The following MMRN1 variants were observed in gnomAD, a reference collection of about 807,000 sequenced individuals.
MMRN1 encodes the protein multimerin 1.
In MMRN1, 94 loss-of-function variants were observed where a neutral mutation model predicts 100.7. The observed-to-expected ratio is 0.93, with a 90% CI of 0.79 to 1.11. MMRN1 has a LOEUF of 1.11. Among genes scored for constraint, MMRN1 ranks in the 50% least tolerant of loss-of-function variants. The probability of loss-of-function intolerance (pLI) is 0.00; values close to 1 mark genes in which losing one functional copy is unlikely to be tolerated. For synonymous variants in MMRN1, 575 were observed against 505.0 expected, an observed-to-expected ratio of 1.14 and a Z score of -1.86; for missense variants, 1,606 against 1,439.1, an observed-to-expected ratio of 1.12 and a Z score of -1.88.
chr4:89,886,190 C>A (rs1720934120), intron 1 of MMRN1, among the ~76,000 whole-genome samples: 1 of 151,498 alleles, frequency 6.6e-6, no homozygotes, highest in Admixed American at 6.6e-5. Flanking sequence ...TGTGCCTGGC[C>A]CCTTTCTTCT....
At chr4:89,916,794 G>T (rs978404390) in intron 3 of MMRN1, among the ~76,000 whole-genome samples, 1 of 150,374 alleles carries the variant, frequency 6.7e-6, no homozygotes, top group Non-Finnish European at 1.5e-5. Context: ...ATTATCTCCC[G>T]CATATCACTG....
chr4:89,927,444 G>A (rs1420856204), intron 4 of MMRN1, among the ~76,000 whole-genome samples: 1 of 151,964 alleles, frequency 6.6e-6, no homozygotes. Context: ...AAATGCTACT[G>A]AGTTTCATAT....
intron 6 of MMRN1, among the ~76,000 whole-genome samples, chr4:89,942,905 T>C (rs915656498): frequency 5.9e-5 from 9 of 152,178 alleles, no homozygotes; most frequent in Admixed American, 5.9e-4. Context: ...GAACCTTCCT[T>C]TCAGAATTCT....
At chr4:89,898,367 C>T (rs570301510) in intron 1 of MMRN1, among the ~76,000 whole-genome samples, 1 of 152,088 alleles carries the variant, frequency 6.6e-6, no homozygotes, top group East Asian at 1.9e-4. Context: ...GGTCACTTGG[C>T]TAACAAAGCT....
upstream of MMRN1, among the ~76,000 whole-genome samples, chr4:89,893,273 G>A (rs910933660): frequency 1.3e-5 from 2 of 152,014 alleles, no homozygotes; most frequent in African/African-American, 4.8e-5. Flanking sequence ...TATCAGAGTC[G>A]ATTGGGGTTG....
intron 1 of MMRN1, among the ~76,000 whole-genome samples, chr4:89,908,105 T>G (rs927727807): frequency 5.3e-5 from 8 of 151,442 alleles, no homozygotes; most frequent in African/African-American, 1.9e-4. Context: ...CAAACTCAGA[T>G]CTCTATTTTC....
chr4:89,923,589 T>C (rs1181443720), intron 4 of MMRN1, among the ~76,000 whole-genome samples: 4 of 152,212 alleles, frequency 2.6e-5, no homozygotes, highest in Admixed American at 6.5e-5. Flanking sequence ...AGTGTCATTA[T>C]GGAAGACCCT....
chr4:89,931,403 C>G (rs1722430165), intron 5 of MMRN1, among the ~76,000 whole-genome samples: 1 of 152,058 alleles, frequency 6.6e-6, no homozygotes, highest in Admixed American at 6.6e-5. Context: ...CTAGGATGAT[C>G]TTTCTTTAAT....
Position 89,895,189 on chromosome 4 carries a change from C to T in MMRN1, c.218C>T (p.Thr73Ile). Reference protein sequence around the residue: ...AEIATTPEARTSEDSLLKSTL... With the variant: ...AEIATTPEARISEDSLLKSTL... ...ATAGCTACAACTCCAGAGGCAAGAA[C>T]TTCTGAAGACAGTCTTCTTAAATCA... Residue 73 changes from threonine (T) to isoleucine (I), a missense_variant, in exon 1 of 8, where the codon ACT becomes ATT. Physicochemically the swap from Thr to Ile is moderately conservative, Grantham distance 89. Transcript: ENST00000264790. 15 of 1,613,866 alleles carry T rather than the reference C, an allele frequency of 9.3e-6. No individual in the cohort carries two copies. Among genetic ancestry groups the T allele is most frequent in the Non-Finnish European group, 1.3e-5 (15 of 1,179,916 alleles).
At chr4:89,902,446 T>G (rs901770328) in intron 1 of MMRN1, among the ~76,000 whole-genome samples, 2 of 152,030 alleles carry the variant, frequency 1.3e-5, no homozygotes, top group African/African-American at 2.4e-5. Context: ...CATATTTAAT[T>G]CGATGTACCA....
chr4:89,881,982 G>C (rs1437892813), intron 1 of MMRN1, among the ~76,000 whole-genome samples: 1 of 151,862 alleles, frequency 6.6e-6, no homozygotes, highest in African/African-American at 2.4e-5. Context: ...ACTAATGAAA[G>C]TTTGTCAGCA....
rs1036672940 is a variant in MMRN1, at chr4:89,936,881, A to G, written c.3118+83A>G. ...TAGATCTGTACAGTTGAGCAAGACC[A>G]TTAAACATAAAACTACATACTTGAA... On this transcript the variant is annotated intron_variant, in intron 6 of 7. Transcript: ENST00000264790. 6.2e-6 allele frequency: 8 copies of G among 1,283,062 alleles called. No homozygotes were observed. The East Asian group carries it at 1.7e-4, about 28-fold the overall frequency. The allele number at this position is 1,283,062 out of a possible 1,614,324, so 79.5% of individuals were successfully genotyped here.
At chr4:89,940,264 T>A (rs1252010452) in intron 6 of MMRN1, among the ~76,000 whole-genome samples, 1 of 152,148 alleles carries the variant, frequency 6.6e-6, no homozygotes, top group South Asian at 2.1e-4. Flanking sequence ...GCTGAGCATG[T>A]GCACCTCCTG....
intron 6 of MMRN1, among the ~76,000 whole-genome samples, chr4:89,939,608 C>T (rs972642839): frequency 1.3e-5 from 2 of 152,086 alleles, no homozygotes; most frequent in African/African-American, 2.4e-5. Context: ...TAAGGTCATT[C>T]AACTAGTAAG....
intron 6 of MMRN1, among the ~76,000 whole-genome samples, chr4:89,941,654 C>A (rs760821018): frequency 6.6e-6 from 1 of 152,090 alleles, no homozygotes; most frequent in African/African-American, 2.4e-5. Context: ...ATGACACTTA[C>A]CAGTTAGGGA....
rs1247371470 is a variant in MMRN1, at chr4:89,953,475, ATCT to A, written c.*59_*61del. On this transcript the variant is annotated 3_prime_UTR_variant, in exon 8 of 8. Coordinates refer to ENST00000264790, the MANE Select transcript of MMRN1 (RefSeq NM_007351.3). ...TGAGAAACAGCCAGTGTTTTCATTT[ATCT>A]TTGCTTGCACATCTGCTCTGTTTTG... The A allele has an allele frequency of 2.0e-6, 3 of 1,482,244 alleles. No homozygotes were observed. Among genetic ancestry groups the A allele is most frequent in the Admixed American group, 2.3e-5 (1 of 43,006 alleles). 91.8% of individuals were successfully genotyped at this position (1,482,244 alleles called of 1,614,324 possible).
chr4:89,936,158 GT>G lies in MMRN1; in HGVS notation c.2480del (p.Phe827SerfsTer8). Reference sequence around the variant, plus strand: ...CCAACTTCCAAAAGATGTATCAAATGTTCAATGAAACCACTTCCCAAGTGAG... The same window carrying G: ...CCAACTTCCAAAAGATGTATCAAATGTCAATGAAACCACTTCCCAAGTGAG... ...QSNFQKMYQM[F>X]NETTSQVRKY... On this transcript the variant is annotated frameshift_variant, in exon 6 of 8. Coordinates refer to ENST00000264790, the MANE Select transcript of MMRN1 (RefSeq NM_007351.3). LOFTEE classifies it high-confidence loss of function. 1.2e-6 allele frequency: 2 copies of G among 1,612,358 alleles called. No individual in the cohort carries two copies. The highest frequency in any genetic ancestry group is 8.5e-7 in the Non-Finnish European group (1 of 1,179,516).
At chr4:89,951,930 G>A (rs1560601721) in intron 7 of MMRN1, among the ~76,000 whole-genome samples, 179 bp downstream of exon 7, 1 of 152,050 alleles carries the variant, frequency 6.6e-6, no homozygotes, top group Non-Finnish European at 1.5e-5. Context: ...ATGTCCTTTT[G>A]TTAGGCAAAT....
chr4:89,943,759 G>C (rs999830594), intron 6 of MMRN1, among the ~76,000 whole-genome samples: 1 of 152,128 alleles, frequency 6.6e-6, no homozygotes, highest in Non-Finnish European at 1.5e-5. Context: ...GGAGGCTAAG[G>C]TGTGCAGATC....
Sources: gnomAD v4.1 joint callset for allele counts (sites outside exome capture counted in the v4.1 genomes callset) on GRCh38, gnomAD v4.1.1 for gene constraint, MANE v1.5 for transcripts, NCBI Gene and HGNC (gene_info 2026-07-23, HGNC 2026-07-21) for gene names.